DYM: variants seen among roughly 807,000 people sequenced by gnomAD.
The protein encoded by DYM is dyggve-Melchior-Clausen syndrome protein.
DYM carries 78 observed loss-of-function variants against 93.1 expected under a neutral mutation model. The ratio of observed to expected loss-of-function variants is 0.84; its 90% CI spans 0.70 to 1.01. DYM has a LOEUF of 1.01. Among genes scored for constraint, DYM ranks in the 50% least tolerant of loss-of-function variants. The pLI is 0.00. For missense variants in DYM, 789 were observed against 845.0 expected (o/e 0.93, Z 0.82); for synonymous variants, 321 against 319.7 (o/e 1.00, Z -0.04).
chr18:49,203,226 T>G (rs1600615168), intron 14 of DYM, among the ~76,000 whole-genome samples: 1 of 37,668 alleles, frequency 2.7e-5, no homozygotes, highest in Admixed American at 2.5e-4. Context: ...GGGAGGGAGG[T>G]GGGGGGGGTC....
At chr18:49,317,071 T>C (rs2061990784) in intron 8 of DYM, among the ~76,000 whole-genome samples, 1 of 152,164 alleles carries the variant, frequency 6.6e-6, no homozygotes, top group Non-Finnish European at 1.5e-5. Context: ...TCCAAAATAA[T>C]GTATCAATAT....
At chr18:49,374,940 C>T (rs1322904865) in intron 5 of DYM, among the ~76,000 whole-genome samples, 1 of 143,136 alleles carries the variant, frequency 7.0e-6, no homozygotes, top group Non-Finnish European at 1.5e-5. Context: ...ACCAGGGCAA[C>T]AAAAGTGAAA....
intron 14 of DYM, among the ~76,000 whole-genome samples, chr18:49,178,361 T>A (rs887370824): frequency 1.3e-5 from 2 of 151,686 alleles, no homozygotes; most frequent in Non-Finnish European, 2.9e-5. Context: ...AGTACATCAG[T>A]ACATGCTCAA....
At chr18:49,175,288 A>G (rs1480388387) in intron 14 of DYM, among the ~76,000 whole-genome samples, 12 of 152,192 alleles carry the variant, frequency 7.9e-5, no homozygotes, top group Non-Finnish European at 1.3e-4. Flanking sequence ...TTACTCCAAT[A>G]AAAGAAACTG....
chr18:49,282,036 A>C lies in DYM; in HGVS notation c.1086T>G (p.Ile362Met). The C allele has an allele frequency of 6.2e-7, 1 of 1,614,034 alleles. No individual in the cohort carries two copies. ...CTGTGCGAGCCAACATGTATGTTCT[A>C]ATATTACTATTTTGATGGAGCAAGG... The part of the protein sequence containing the change: ...LYTLLHQNSN[I>M]RTYMLARTDM... Residue 362 changes from isoleucine (I) to methionine (M), a missense_variant, in exon 10 of 18, where the codon ATT becomes ATG. Ile to Met is a conservative substitution (Grantham distance 10). Around this residue, in one of 3 missense-constraint regions of DYM, gnomAD observed 450 missense variants for 436.2 expected, o/e 1.03. Coordinates refer to ENST00000675505, the MANE Select transcript of DYM (RefSeq NM_001353214.3).
intron 2 of DYM, among the ~76,000 whole-genome samples, chr18:49,413,823 A>T (rs999822464): frequency 3.3e-5 from 5 of 152,168 alleles, no homozygotes; most frequent in Non-Finnish European, 7.3e-5. Flanking sequence ...TAGCCTGGCC[A>T]ACATGGTGAA....
At chr18:49,082,960 C>T (rs2078186241) in intron 17 of DYM, among the ~76,000 whole-genome samples, 2 of 152,080 alleles carry the variant, frequency 1.3e-5, no homozygotes, top group African/African-American at 4.8e-5. Flanking sequence ...AGGAATTTAC[C>T]TTATATTCCT....
chr18:49,454,744 C>CAA (rs57507210), intron 1 of DYM, among the ~76,000 whole-genome samples: 18 of 140,862 alleles, frequency 1.3e-4, no homozygotes, highest in African/African-American at 3.9e-4. Context: ...CTAAAAATAC[C>CAA]AAAAAAAAAA....
chr18:49,057,993 A>G (rs1252190615), intron 17 of DYM, among the ~76,000 whole-genome samples: 2 of 152,234 alleles, frequency 1.3e-5, no homozygotes, highest in African/African-American at 2.4e-5. Context: ...TGAGAGGCCC[A>G]GTGAGGGCCA....
At chr18:49,128,061 G>T (rs2082994299) in intron 15 of DYM, among the ~76,000 whole-genome samples, 1 of 152,210 alleles carries the variant, frequency 6.6e-6, no homozygotes, top group Non-Finnish European at 1.5e-5. Context: ...AAAGGCACTG[G>T]AGGCAGTGAC....
intron 14 of DYM, chr18:49,206,706 C>G (rs1364842413): frequency 6.6e-6 from 1 of 152,306 alleles, no homozygotes; most frequent in Non-Finnish European, 1.5e-5. Flanking sequence ...ACTCCAGAGC[C>G]CATGCCCCTA....
rs1021684480 is a variant in DYM at position 49,042,541 on chromosome 18, C to A, written c.*1514G>T. 1 of 152,278 alleles carries A rather than the reference C, an allele frequency of 6.6e-6. No homozygotes were observed. Among genetic ancestry groups the A allele is most frequent in the Admixed American group, 6.5e-5 (1 of 15,292 alleles). The allele number at this position is 152,278 out of a possible 1,614,324, so 9.4% of individuals were successfully genotyped here. A position where few individuals can be genotyped will look rare whatever the true frequency, so the allele number is the denominator to read the frequency against. ...CTGAGAATGGTTCCTCCGAGGCCCT[C>A]GGAAGATTTGATGGACTCAAATAAC... On this transcript the variant is annotated 3_prime_UTR_variant, in exon 18 of 18. Transcript: ENST00000675505.
intron 1 of DYM, among the ~76,000 whole-genome samples, chr18:49,456,866 TC>T (rs1421020885): frequency 2.6e-5 from 4 of 152,128 alleles, no homozygotes; most frequent in Non-Finnish European, 5.9e-5. Context: ...ATAAGTCCCA[TC>T]ACATTTCCTG....
intron 6 of DYM, among the ~76,000 whole-genome samples, chr18:49,350,726 G>GAAAAAAAAA (rs72289769): frequency 8.7e-4 from 104 of 119,814 alleles, no homozygotes; most frequent in East Asian, 4.1e-3. Flanking sequence ...GAAAAAAAAA[G>GAAAAAAAAA]AAAAAAAAAA....
At chr18:49,200,693 T>C (rs1421220516) in intron 14 of DYM, among the ~76,000 whole-genome samples, 1 of 152,112 alleles carries the variant, frequency 6.6e-6, no homozygotes, top group African/African-American at 2.4e-5. Context: ...TAAATACTTC[T>C]AGCATATTTC....
chr18:49,381,832 T>C (rs1452083024), intron 3 of DYM, among the ~76,000 whole-genome samples: 1 of 151,966 alleles, frequency 6.6e-6, no homozygotes, highest in Non-Finnish European at 1.5e-5. Flanking sequence ...AGTTTCACTT[T>C]GAAACAAAAA....
intron 16 of DYM, among the ~76,000 whole-genome samples, chr18:49,108,894 G>A (rs1185916020): frequency 1.3e-5 from 2 of 152,106 alleles, no homozygotes; most frequent in African/African-American, 4.8e-5. Flanking sequence ...AAGCTCTGTT[G>A]TATACACATT....
intron 15 of DYM, among the ~76,000 whole-genome samples, chr18:49,145,580 C>T (rs1239895546): frequency 6.6e-6 from 1 of 152,068 alleles, no homozygotes; most frequent in Non-Finnish European, 1.5e-5. Flanking sequence ...TATAGTTTGT[C>T]CTTCCCCTAT....
In DYM at chr18:49,419,307, T is replaced by C. The variant is rs909042604; in HGVS notation, c.140+10948A>G. 7.9e-5 allele frequency among the ~76,000 whole-genome samples: 12 copies of C among 152,040 alleles called. No homozygotes were observed. In the East Asian group the frequency reaches 2.1e-3, roughly 27 times the overall value. Reference sequence around the variant, plus strand: ...CTGGGAGGCGGAGGTCGCAGTGAGCTGAGATTGCACCACTGCACTCCAGCC... The same window carrying C: ...CTGGGAGGCGGAGGTCGCAGTGAGCCGAGATTGCACCACTGCACTCCAGCC... On this transcript the variant is annotated intron_variant, in intron 2 of 17. Coordinates refer to ENST00000675505, the MANE Select transcript of DYM (RefSeq NM_001353214.3).
Sources: allele counts gnomAD v4.1 joint callset (sites outside exome capture counted in the v4.1 genomes callset), GRCh38; gene constraint gnomAD v4.1.1; regional missense constraint gnomAD v4.1.1; transcripts MANE v1.5; gene names NCBI Gene and HGNC (gene_info 2026-07-23, HGNC 2026-07-21).